The following NHSL2 variants were observed in gnomAD, a reference collection of about 807,000 sequenced individuals.
NHSL2 encodes NHS like 2, also known as NHS-like protein 2.
A neutral mutation model predicts 53.4 loss-of-function variants in NHSL2; 27 were observed. The ratio of observed to expected loss-of-function variants is 0.51; its 90% CI spans 0.37 to 0.70. The LOEUF (loss-of-function observed/expected upper bound fraction) is 0.70. Ranked by LOEUF, NHSL2 falls within the 30% of genes least tolerant of loss-of-function variation. The probability of loss-of-function intolerance (pLI) is 0.00; values close to 1 mark genes in which losing one functional copy is unlikely to be tolerated. For missense variants in NHSL2, 892 were observed against 980.1 expected (o/e 0.91, Z 1.20); for synonymous variants, 408 against 404.1 (o/e 1.01, Z -0.12).
intron 1 of NHSL2, among the ~76,000 whole-genome samples, chrX:71,993,376 G>A (rs749854362): frequency 4.5e-5 from 5 of 112,195 alleles, no homozygotes; most frequent in East Asian, 5.6e-4. Flanking sequence ...GAGCCATGGA[G>A]GGGATTCTGG....
chrX:71,997,344 G>C (rs898716223), intron 1 of NHSL2, among the ~76,000 whole-genome samples: 3 of 112,183 alleles, frequency 2.7e-5, no homozygotes, highest in Admixed American at 9.4e-5. Flanking sequence ...AAGTCTGACA[G>C]TCTCCAGCAA....
intron 1 of NHSL2, among the ~76,000 whole-genome samples, chrX:72,122,724 C>T (rs1470849433): frequency 1.8e-5 from 2 of 111,232 alleles, no homozygotes; most frequent in Non-Finnish European, 3.8e-5. Flanking sequence ...ACAGGGTGCT[C>T]GCTGGGAAGG....
intron 1 of NHSL2, among the ~76,000 whole-genome samples, chrX:72,051,022 A>C (rs1177803440): frequency 8.9e-6 from 1 of 111,880 alleles, no homozygotes; most frequent in Non-Finnish European, 1.9e-5. Context: ...GGCTATGTTT[A>C]TGCATCCATA....
rs12394983 is a variant in NHSL2, at chrX:72,085,218, C to G, written c.281-46861C>G. On this transcript the variant is annotated intron_variant, in intron 1 of 7. Transcript: ENST00000633930. ...CCCCCAGCACAGCCTGCCTTCATAG[C>G]CCAGGCCCTCTCCCCTGTACCACCC... is the stretch of plus-strand genomic sequence containing the variant. 2.8e-3 allele frequency among the ~76,000 whole-genome samples: 315 copies of G among 111,978 alleles called. 3 individuals carry two copies. Among genetic ancestry groups the G allele is most frequent in the Admixed American group, 4.6e-3 (49 of 10,591 alleles).
intron 1 of NHSL2, among the ~76,000 whole-genome samples, chrX:72,024,389 G>A: frequency 9.0e-6 from 1 of 111,692 alleles, no homozygotes; most frequent in Non-Finnish European, 1.9e-5. Flanking sequence ...CTTGAAACAC[G>A]GGCTTACTTC....
chrX:72,093,717 G>GCTTTCTTTCTTTCTTTCTTT (rs1491238848), intron 1 of NHSL2, among the ~76,000 whole-genome samples: 7 of 78,681 alleles, frequency 8.9e-5, no homozygotes, highest in East Asian at 7.9e-4. Flanking sequence ...AGTATAGCTT[G>GCTTTCTTTCTTTCTTTCTTT]CTTGCTTTCT....
At position 72,138,881 on chromosome X, in the gene NHSL2, C is replaced by T. The variant is rs1168830450; in HGVS notation, c.1333C>T (p.Arg445Cys). The change falls in exon 6 of 8, where the codon CGT (arginine) becomes TGT (cysteine). Residue 445 changes from arginine to cysteine, a missense_variant. Transcript: ENST00000633930. ...GGAGGCTGCTACCCTCCTTGTCGCTCGTGATAACCCAGCAGGATGCAGTGG... is the reference window on the plus strand; with the variant it reads ...GGAGGCTGCTACCCTCCTTGTCGCTTGTGATAACCCAGCAGGATGCAGTGG... ...PKEAATLLVARDNPAGCSGSA... is the reference protein window; with the variant it reads ...PKEAATLLVACDNPAGCSGSA... 4 of 1,209,968 alleles carry T rather than the reference C, an allele frequency of 3.3e-6. No homozygotes were observed. The highest frequency in any genetic ancestry group is 4.5e-6 in the Non-Finnish European group (4 of 893,986).
rs58448364 is a variant in NHSL2, at chrX:72,148,840, ATGTGTGTGTGTGTGTG to A, written c.*5290_*5305del. 5.8e-5 allele frequency: 5 copies of A among 85,963 alleles called. No individual in the cohort carries two copies. The highest frequency in any genetic ancestry group is 1.7e-4 in the African/African-American group (4 of 23,033). 7.1% of individuals were successfully genotyped at this position (85,963 alleles called of 1,213,427 possible). Reference sequence around the variant, plus strand: ...GGAGAAAGAGAGAGAGAGAGAGTGTATGTGTGTGTGTGTGTGTGTGTGTGTGTGTGTGTGTGTGTAT... The same window carrying A: ...GGAGAAAGAGAGAGAGAGAGAGTGTATGTGTGTGTGTGTGTGTGTGTGTAT... On this transcript the variant is annotated 3_prime_UTR_variant, in exon 8 of 8. Transcript: ENST00000633930.
At chrX:72,113,453 T>C (rs188226647) in intron 1 of NHSL2, among the ~76,000 whole-genome samples, 143 of 111,815 alleles carry the variant, frequency 1.3e-3, no homozygotes, top group Non-Finnish European at 2.1e-3. Flanking sequence ...AGGAGACCCA[T>C]AGCCAGCAAA....
At chrX:71,979,781 C>A (rs1462087250) in intron 1 of NHSL2, among the ~76,000 whole-genome samples, 2 of 111,201 alleles carry the variant, frequency 1.8e-5, no homozygotes, top group African/African-American at 6.5e-5. Flanking sequence ...TCCCATTTGT[C>A]AATTTTGGCT....
intron 1 of NHSL2, among the ~76,000 whole-genome samples, chrX:72,011,392 C>T (rs945179140): frequency 5.3e-5 from 6 of 112,583 alleles, no homozygotes; most frequent in African/African-American, 1.6e-4. Flanking sequence ...AAACTGACGG[C>T]CAGGTGCGGT....
In NHSL2 at chrX:72,145,623, T is replaced by TC. The variant is rs1248440851; in HGVS notation, c.*2051dup. 1 of 112,571 alleles carries TC rather than the reference T, an allele frequency of 8.9e-6. No homozygotes were observed. The highest frequency in any genetic ancestry group is 1.9e-5 in the Non-Finnish European group (1 of 53,347). The allele number at this position is 112,571 out of a possible 1,213,427, so 9.3% of individuals were successfully genotyped here. The stretch of plus-strand genomic sequence containing the variant: ...TTAGAATTCCAAAAAACAGACATTT[T>TC]CCTCTGTAGTAAATGAAGGAGCGTT... On this transcript the variant is annotated 3_prime_UTR_variant, in exon 8 of 8. Transcript: ENST00000633930.
At chrX:72,014,040 T>C (rs1447150248) in intron 1 of NHSL2, among the ~76,000 whole-genome samples, 2 of 111,687 alleles carry the variant, frequency 1.8e-5, no homozygotes, top group Non-Finnish European at 3.8e-5. Flanking sequence ...ATTTGGTAGA[T>C]TTGGGAAGTT....
At chrX:72,018,920 C>G (rs2042147891) in intron 1 of NHSL2, among the ~76,000 whole-genome samples, 1 of 112,845 alleles carries the variant, frequency 8.9e-6, no homozygotes, top group Admixed American at 9.2e-5. Flanking sequence ...TGTTTTTGAT[C>G]CAGAAACGAA....
In NHSL2 at chrX:72,137,123, C is replaced by T; in HGVS notation, c.790C>T (p.Arg264Ter). 3 of 1,165,024 alleles carry T rather than the reference C, an allele frequency of 2.6e-6. No homozygotes were observed. The highest frequency in any genetic ancestry group is 3.8e-5 in the South Asian group (2 of 52,622). ...GCAGTTTGATAAACATGCAAGTTTGCGACACTCGTTGTTTAACACAGAGAC... is the reference window on the plus strand; with the variant it reads ...GCAGTTTGATAAACATGCAAGTTTGTGACACTCGTTGTTTAACACAGAGAC... ...GQQFDKHASLRHSLFNTETAV... is the reference protein window; with the variant it reads ...GQQFDKHASL The change falls in exon 5 of 8, where the codon CGA (arginine) becomes TGA (stop). Residue 264 changes from arginine to a stop codon, truncating the protein, a stop_gained. Transcript: ENST00000633930. LOFTEE classifies it high-confidence loss of function.
chrX:72,032,282 A>G (rs1360317658), intron 1 of NHSL2, among the ~76,000 whole-genome samples: 1 of 110,957 alleles, frequency 9.0e-6, no homozygotes, highest in African/African-American at 3.3e-5. Context: ...AATCCCAGCT[A>G]TTCGGGAGGC....
intron 1 of NHSL2, among the ~76,000 whole-genome samples, chrX:72,019,979 CTCTG>C (rs2042152426): frequency 8.9e-6 from 1 of 111,928 alleles, no homozygotes. Flanking sequence ...CATCTGCTTC[CTCTG>C]TCTTTCACCT....
At chrX:71,914,849 C>T (rs2041620688) in intron 1 of NHSL2, among the ~76,000 whole-genome samples, 1 of 110,384 alleles carries the variant, frequency 9.1e-6, no homozygotes, top group African/African-American at 3.3e-5. Flanking sequence ...AAGAGATGGC[C>T]TCTTGAGTCA....
At chrX:72,119,841 G>C (rs1442715146) in intron 1 of NHSL2, among the ~76,000 whole-genome samples, 1 of 112,195 alleles carries the variant, frequency 8.9e-6, no homozygotes, top group African/African-American at 3.2e-5. Context: ...TAGGGGAAAA[G>C]CATCCAGTAT....
Sources: allele counts gnomAD v4.1 joint callset (sites outside exome capture counted in the v4.1 genomes callset), GRCh38; gene constraint gnomAD v4.1.1; transcripts MANE v1.5; gene names NCBI Gene and HGNC (gene_info 2026-07-23, HGNC 2026-07-21).